Variants in ERBB4 observed in about 807,000 individuals in gnomAD.
ERBB4 encodes erb-b2 receptor tyrosine kinase 4.
Under a neutral mutation model 158.0 loss-of-function variants are expected in ERBB4, and 42 were observed. That is an observed-to-expected ratio of 0.27 (90% CI 0.21 to 0.34). The LOEUF (loss-of-function observed/expected upper bound fraction) is 0.34. Ranked by LOEUF, ERBB4 falls within the 10% of genes least tolerant of loss-of-function variation. The probability of loss-of-function intolerance (pLI) is 1.00; values close to 1 mark genes in which losing one functional copy is unlikely to be tolerated. For synonymous variants in ERBB4, 583 were observed against 558.7 expected (o/e 1.04, Z -0.61); for missense variants, 1,333 against 1,624.1 (o/e 0.82, Z 3.08).
intron 3 of ERBB4, among the ~76,000 whole-genome samples, chr2:211,946,041 C>T (rs1338946204): frequency 6.6e-6 from 1 of 151,752 alleles, no homozygotes; most frequent in Non-Finnish European, 1.5e-5. Context: ...ATTCTTTCTC[C>T]TATCATTATT....
chr2:211,740,801 G>A (rs925871849), intron 5 of ERBB4, among the ~76,000 whole-genome samples: 38 of 151,806 alleles, frequency 2.5e-4, no homozygotes, highest in African/African-American at 8.7e-4. Context: ...TAGTGGAGAC[G>A]GGGTTTCACT....
intron 2 of ERBB4, among the ~76,000 whole-genome samples, chr2:211,972,415 T>C (rs958599054): frequency 7.9e-5 from 12 of 152,110 alleles, no homozygotes; most frequent in Non-Finnish European, 1.5e-5. Context: ...TTAAAATGCA[T>C]GTGGAACCAA....
At chr2:211,446,836 C>T (rs1434277743) in intron 20 of ERBB4, among the ~76,000 whole-genome samples, 1 of 152,028 alleles carries the variant, frequency 6.6e-6, no homozygotes. Flanking sequence ...AACAATTTGG[C>T]TTCCAGTAAT....
intron 2 of ERBB4, among the ~76,000 whole-genome samples, chr2:211,991,435 T>C (rs1434409473): frequency 6.6e-6 from 1 of 152,104 alleles, no homozygotes; most frequent in Non-Finnish European, 1.5e-5. Flanking sequence ...AGAGATACTG[T>C]CATCTAGCAA....
chr2:211,447,647 T>C (rs2064145832), intron 20 of ERBB4, among the ~76,000 whole-genome samples: 1 of 152,172 alleles, frequency 6.6e-6, no homozygotes, highest in Non-Finnish European at 1.5e-5. Flanking sequence ...TCAAGGCCAA[T>C]ATTTTGATTA....
intron 1 of ERBB4, among the ~76,000 whole-genome samples, chr2:212,211,067 G>T (rs539847032): frequency 1.6e-4 from 25 of 151,962 alleles, no homozygotes; most frequent in Non-Finnish European, 5.9e-5. Context: ...GTCATCCTTG[G>T]TTTTTCTCTT....
intron 20 of ERBB4, among the ~76,000 whole-genome samples, chr2:211,468,473 G>A (rs2125519990): frequency 6.6e-6 from 1 of 152,258 alleles, no homozygotes; most frequent in Admixed American, 6.5e-5. Context: ...CTGTTTGATA[G>A]AGAACAGCAC....
At chr2:211,647,445 A>G (rs2070815478) in intron 16 of ERBB4, among the ~76,000 whole-genome samples, 1 of 151,634 alleles carries the variant, frequency 6.6e-6, no homozygotes, top group African/African-American at 2.4e-5. Context: ...AGCATCACTG[A>G]ATATGTCAAA....
intron 19 of ERBB4, among the ~76,000 whole-genome samples, chr2:211,582,681 C>T (rs1574803657): frequency 6.6e-6 from 1 of 152,096 alleles, no homozygotes; most frequent in African/African-American, 2.4e-5. Context: ...ATCAGATCTA[C>T]AAATGGTATG....
intron 1 of ERBB4, among the ~76,000 whole-genome samples, chr2:212,469,121 A>G (rs1688989787): frequency 6.6e-6 from 1 of 152,186 alleles, no homozygotes; most frequent in Non-Finnish European, 1.5e-5. Context: ...TTAACTCACT[A>G]AAAAGAAGTG....
intron 2 of ERBB4, among the ~76,000 whole-genome samples, chr2:211,962,343 A>C (rs2081201480): frequency 6.6e-6 from 1 of 152,174 alleles, no homozygotes; most frequent in African/African-American, 2.4e-5. Context: ...CATATGCAGG[A>C]ACTGAATATG....
intron 20 of ERBB4, among the ~76,000 whole-genome samples, chr2:211,470,438 A>C (rs780096273): frequency 6.6e-6 from 1 of 152,176 alleles, no homozygotes; most frequent in Non-Finnish European, 1.5e-5. Flanking sequence ...ATATTAAAGC[A>C]GATATCATGT....
At chr2:211,431,254 T>C (rs1242715853) in intron 20 of ERBB4, among the ~76,000 whole-genome samples, 154 bp from the exon 21 acceptor site, 3 of 152,212 alleles carry the variant, frequency 2.0e-5, no homozygotes, top group African/African-American at 7.2e-5. Flanking sequence ...AAAACCTGAT[T>C]TGGGGGACAG....
At position 211,378,724 on chromosome 2, in the gene ERBB4, T is replaced by G; in HGVS notation, c.*4891A>C. The stretch of plus-strand genomic sequence containing the variant: ...CTGATCTCATCTGTATAATATTTGT[T>G]CTTAAGCAAATAGCAACCAGGCGAT... On this transcript the variant is annotated 3_prime_UTR_variant, in exon 28 of 28. Coordinates refer to ENST00000342788, the MANE Select transcript of ERBB4 (RefSeq NM_005235.3). 1 of 232,836 alleles carries G rather than the reference T, an allele frequency of 4.3e-6. No homozygotes were observed. The highest frequency in any genetic ancestry group is 8.5e-6 in the Non-Finnish European group (1 of 117,492). 14.4% of individuals were successfully genotyped at this position (232,836 alleles called of 1,614,324 possible). A position where few individuals can be genotyped will look rare whatever the true frequency, so the allele number is the denominator to read the frequency against.
intron 1 of ERBB4, among the ~76,000 whole-genome samples, chr2:212,356,052 G>A (rs994591252): frequency 1.3e-5 from 2 of 152,040 alleles, no homozygotes; most frequent in East Asian, 1.9e-4. Context: ...AACTCCCAGA[G>A]GGTATAAAAC....
intron 4 of ERBB4, among the ~76,000 whole-genome samples, chr2:211,756,123 G>C (rs1203752148): frequency 6.6e-6 from 1 of 152,068 alleles, no homozygotes; most frequent in Admixed American, 6.5e-5. Flanking sequence ...TCAGGGAGGG[G>C]GGATAAAAAG....
At chr2:211,413,712 G>A (rs1339214512) in intron 25 of ERBB4, among the ~76,000 whole-genome samples, 1 of 151,910 alleles carries the variant, frequency 6.6e-6, no homozygotes, top group Non-Finnish European at 1.5e-5. Flanking sequence ...GTTATGCATA[G>A]AGGCGATGCA....
At chr2:211,486,329 C>CT (rs1338851773) in intron 20 of ERBB4, among the ~76,000 whole-genome samples, 1 of 152,096 alleles carries the variant, frequency 6.6e-6, no homozygotes, top group Non-Finnish European at 1.5e-5. Context: ...ATTTTTACCA[C>CT]TTTTTTGTCC....
At chr2:212,437,946 T>C (rs1048898079) in intron 1 of ERBB4, among the ~76,000 whole-genome samples, 8 of 152,132 alleles carry the variant, frequency 5.3e-5, no homozygotes, top group East Asian at 1.9e-4. Context: ...TTCCTCACAG[T>C]ACCTACTCAT....
Sources: gnomAD v4.1 joint callset for allele counts (sites outside exome capture counted in the v4.1 genomes callset) on GRCh38, gnomAD v4.1.1 for gene constraint, MANE v1.5 for transcripts, NCBI Gene and HGNC (gene_info 2026-07-23, HGNC 2026-07-21) for gene names.